RAB3GAP2: variants seen among roughly 807,000 people sequenced by gnomAD.
RAB3GAP2 encodes RAB3 GTPase activating non-catalytic protein subunit 2, also known as rab3 GTPase-activating protein non-catalytic subunit.
In RAB3GAP2, 87 loss-of-function variants were observed where a neutral mutation model predicts 185.3. The ratio of observed to expected loss-of-function variants is 0.47; its 90% CI spans 0.39 to 0.56. The LOEUF (loss-of-function observed/expected upper bound fraction) is 0.56. Among genes scored for constraint, RAB3GAP2 ranks in the 20% least tolerant of loss-of-function variants. RAB3GAP2 has a pLI of 0.00. For synonymous variants in RAB3GAP2, 554 were observed against 576.1 expected (o/e 0.96, Z 0.55); for missense variants, 1,492 against 1,638.2 (o/e 0.91, Z 1.54).
intron 1 of RAB3GAP2, chr1:220,267,185 A>G (rs1660243248): frequency 2.0e-6 from 2 of 1,003,180 alleles, no homozygotes; most frequent in East Asian, 4.8e-5. Context: ...TGACAGTAAG[A>G]CAGGGCACTT....
chr1:220,215,140 C>T (rs1306923621), intron 2 of RAB3GAP2, among the ~76,000 whole-genome samples: 3 of 151,712 alleles, frequency 2.0e-5, no homozygotes, highest in Non-Finnish European at 4.4e-5. Context: ...GTATTGCTTA[C>T]CATCTTTTGC....
intron 2 of RAB3GAP2, among the ~76,000 whole-genome samples, chr1:220,230,329 A>G (rs10495144): frequency 0.042 from 6,354 of 152,296 alleles, 459 homozygotes; most frequent in African/African-American, 0.15. Context: ...AGCAAAAGCC[A>G]TGCAATAGTT....
chr1:220,233,571 G>C (rs1659538489), intron 1 of RAB3GAP2, among the ~76,000 whole-genome samples: 1 of 152,010 alleles, frequency 6.6e-6, no homozygotes, highest in African/African-American at 2.4e-5. Context: ...ACTACTCTGA[G>C]ACAAGCATGA....
chr1:220,219,831 A>T (rs1659272143), intron 2 of RAB3GAP2, among the ~76,000 whole-genome samples: 2 of 152,238 alleles, frequency 1.3e-5, no homozygotes, highest in South Asian at 4.1e-4. Flanking sequence ...TTCCAGCGCC[A>T]GTTCCAGAAA....
At chr1:220,223,607 A>C (rs1659348075) in intron 2 of RAB3GAP2, among the ~76,000 whole-genome samples, 1 of 152,146 alleles carries the variant, frequency 6.6e-6, no homozygotes, top group African/African-American at 2.4e-5. Flanking sequence ...ACCTGAGAAC[A>C]GCAAGAGAAA....
chr1:220,164,393 T>G (rs1054804815), intron 27 of RAB3GAP2, among the ~76,000 whole-genome samples: 1 of 151,460 alleles, frequency 6.6e-6, no homozygotes, highest in Non-Finnish European at 1.5e-5. Context: ...CTATCAGTTG[T>G]TTTGCCCCTT....
At chr1:220,205,387 T>TG (rs1658944672) in intron 8 of RAB3GAP2, among the ~76,000 whole-genome samples, 1 of 152,178 alleles carries the variant, frequency 6.6e-6, no homozygotes, top group South Asian at 2.1e-4. Context: ...GTTGACTCCC[T>TG]GCTGGGTCCT....
rs1485107511 is a variant in RAB3GAP2, at chr1:220,153,992, T to C, written c.3621A>G (p.Pro1207=). Residue 1207 remains proline (P), a synonymous_variant, in exon 32 of 35, where the codon CCA becomes CCG. Transcript: ENST00000358951. ...CCTGTTGTCGTACAGAAATAAAATT[T>C]GGATCCATTTCCCCACTAGGTAATA... The part of the protein sequence containing the change: ...IQLLPSGEMD[P]NFISVRQQFL... The C allele has an allele frequency of 6.2e-7, 1 of 1,613,692 alleles. No individual in the cohort carries two copies. The highest frequency in any genetic ancestry group is 1.7e-5 in the Admixed American group (1 of 60,012).
chr1:220,203,139 G>C (rs535155027), intron 8 of RAB3GAP2, among the ~76,000 whole-genome samples: 1 of 152,242 alleles, frequency 6.6e-6, no homozygotes, highest in African/African-American at 2.4e-5. Flanking sequence ...AGGTAACTGA[G>C]GCCAGACTTG....
At position 220,202,436 on chromosome 1, in the gene RAB3GAP2, A is replaced by T; in HGVS notation, c.713-62T>A. On this transcript the variant is annotated intron_variant, in intron 8 of 34. Coordinates refer to ENST00000358951, the MANE Select transcript of RAB3GAP2 (RefSeq NM_012414.4). ...TGGATAAAATGAAGTTTTACAAAAA[A>T]ACATTAAAACCATACTAATTTGTTA... The T allele has an allele frequency of 2.0e-6, 3 of 1,504,766 alleles. No individual in the cohort carries two copies. The Admixed American group carries it at 5.1e-5, about 25-fold the overall frequency. The allele number at this position is 1,504,766 out of a possible 1,614,324, so 93.2% of individuals were successfully genotyped here.
intron 17 of RAB3GAP2, among the ~76,000 whole-genome samples, chr1:220,188,599 A>T (rs1429109323): frequency 6.6e-6 from 1 of 152,200 alleles, no homozygotes; most frequent in Non-Finnish European, 1.5e-5. Flanking sequence ...AACAGGTGGG[A>T]ATATAAATTA....
chr1:220,225,958 TAAAC>T (rs1431299695), intron 2 of RAB3GAP2, among the ~76,000 whole-genome samples: 1 of 152,194 alleles, frequency 6.6e-6, no homozygotes, highest in Non-Finnish European at 1.5e-5. Context: ...TCTCAGCCTG[TAAAC>T]AAACAATTCT....
chr1:220,224,584 T>C (rs1659370101), intron 2 of RAB3GAP2, among the ~76,000 whole-genome samples: 1 of 151,948 alleles, frequency 6.6e-6, no homozygotes, highest in Non-Finnish European at 1.5e-5. Context: ...GTAAACAGGG[T>C]AAATTAAACA....
chr1:220,258,419 G>A (rs879026597), intron 1 of RAB3GAP2, among the ~76,000 whole-genome samples: 1 of 152,162 alleles, frequency 6.6e-6, no homozygotes, highest in Non-Finnish European at 1.5e-5. Context: ...CAGGATGCAA[G>A]GTTGGTTCAA....
At chr1:220,164,049 T>C (rs1658016903) in intron 27 of RAB3GAP2, among the ~76,000 whole-genome samples, 1 of 152,130 alleles carries the variant, frequency 6.6e-6, no homozygotes, top group African/African-American at 2.4e-5. Context: ...ATCTATTAAA[T>C]GGAATCTGTT....
chr1:220,192,870 G>C (rs1322825353), intron 13 of RAB3GAP2, among the ~76,000 whole-genome samples: 3 of 152,194 alleles, frequency 2.0e-5, no homozygotes. Context: ...GATGGGTTTT[G>C]CTATCTTAAA....
At chr1:220,208,749 C>T (rs949731084) in intron 7 of RAB3GAP2, among the ~76,000 whole-genome samples, 28 of 151,834 alleles carry the variant, frequency 1.8e-4, no homozygotes, top group Non-Finnish European at 3.4e-4. Context: ...CGGAGTCTCG[C>T]TCTGTCGCCC....
intron 3 of RAB3GAP2, 116 bp downstream of exon 3, chr1:220,213,740 G>GC (rs1183018960): frequency 2.8e-5 from 28 of 1,002,090 alleles, no homozygotes; most frequent in African/African-American, 5.9e-5. Flanking sequence ...GTTGGGGGGG[G>GC]GGGGAGAGAG....
At chr1:220,225,850 T>A (rs1571915843) in intron 2 of RAB3GAP2, among the ~76,000 whole-genome samples, 1 of 152,100 alleles carries the variant, frequency 6.6e-6, no homozygotes, top group South Asian at 2.1e-4. Context: ...GGCATGAGAG[T>A]CTACTGAAAA....
Sources: allele counts gnomAD v4.1 joint callset (sites outside exome capture counted in the v4.1 genomes callset), GRCh38; gene constraint gnomAD v4.1.1; transcripts MANE v1.5; gene names NCBI Gene and HGNC (gene_info 2026-07-23, HGNC 2026-07-21).